The following BNC2 variants were observed in gnomAD, a reference collection of about 807,000 sequenced individuals.
BNC2 encodes basonuclin zinc finger protein 2.
Under a neutral mutation model 76.3 loss-of-function variants are expected in BNC2, and 20 were observed. The observed-to-expected ratio is 0.26, with a 90% CI of 0.18 to 0.38. The LOEUF is 0.38. Among genes scored for constraint, BNC2 ranks in the 10% least tolerant of loss-of-function variants. The pLI, the probability that BNC2 is intolerant of heterozygous loss-of-function variation, is 1.00. For synonymous variants in BNC2, 582 were observed against 514.8 expected, an observed-to-expected ratio of 1.13 and a Z score of -1.77; for missense variants, 1,382 against 1,399.8, an observed-to-expected ratio of 0.99 and a Z score of 0.20.
At chr9:16,540,628 C>T (rs1443713463) in intron 5 of BNC2, among the ~76,000 whole-genome samples, 2 of 152,122 alleles carry the variant, frequency 1.3e-5, no homozygotes, top group African/African-American at 2.4e-5. Flanking sequence ...AATGGCCTTG[C>T]TTAATTAAAA....
intron 1 of BNC2, among the ~76,000 whole-genome samples, chr9:16,854,077 T>C (rs7038494): frequency 0.12 from 18,709 of 152,120 alleles, 1,512 homozygotes; most frequent in South Asian, 0.27. Flanking sequence ...ACCACCAACT[T>C]CTGTCCTGCT....
At chr9:16,762,003 T>G (rs1825564757) in intron 1 of BNC2, among the ~76,000 whole-genome samples, 1 of 152,152 alleles carries the variant, frequency 6.6e-6, no homozygotes, top group Admixed American at 6.6e-5. Context: ...TAGCAAAACT[T>G]TTTAGCCAAG....
intron 3 of BNC2, among the ~76,000 whole-genome samples, chr9:16,611,661 C>A (rs1403140427): frequency 6.6e-6 from 1 of 152,164 alleles, no homozygotes; most frequent in African/African-American, 2.4e-5. Context: ...TAAAGCAAGA[C>A]ATGCAGTCTG....
At chr9:16,601,708 GA>G (rs34171368) in intron 3 of BNC2, among the ~76,000 whole-genome samples, 152,265 of 152,266 alleles carry the variant, frequency 1, 76,132 homozygotes, top group Non-Finnish European at 1. Context: ...ATGGATGCAG[GA>G]GAAAAGATAT....
chr9:16,510,996 T>G (rs1822741007), intron 5 of BNC2, among the ~76,000 whole-genome samples: 1 of 152,166 alleles, frequency 6.6e-6, no homozygotes, highest in Admixed American at 6.5e-5. Context: ...AAACACACAT[T>G]TGTTCCACAA....
At chr9:16,748,762 G>C (rs1405198681) in intron 1 of BNC2, among the ~76,000 whole-genome samples, 6 of 144,188 alleles carry the variant, frequency 4.2e-5, no homozygotes, top group Middle Eastern at 3.7e-3. Context: ...AGAATTGCTA[G>C]GACCCAGGAG....
At chr9:16,441,085 G>A (rs1216657055) in intron 5 of BNC2, among the ~76,000 whole-genome samples, 1 of 152,084 alleles carries the variant, frequency 6.6e-6, no homozygotes, top group African/African-American at 2.4e-5. Flanking sequence ...CGACATTTAG[G>A]AAGGCCAAGG....
chr9:16,731,699 T>C (rs1210536894), intron 2 of BNC2, among the ~76,000 whole-genome samples: 1 of 152,212 alleles, frequency 6.6e-6, no homozygotes, highest in Non-Finnish European at 1.5e-5. Context: ...CACATAACTA[T>C]AGTAAAATTC....
chr9:16,760,085 G>A (rs141651457), intron 1 of BNC2, among the ~76,000 whole-genome samples: 16 of 152,118 alleles, frequency 1.1e-4, no homozygotes, highest in Non-Finnish European at 1.2e-4. Context: ...GAATGTATAG[G>A]AAATAGCTAT....
intron 5 of BNC2, among the ~76,000 whole-genome samples, chr9:16,481,797 A>G (rs1822063393): frequency 6.6e-6 from 1 of 152,228 alleles, no homozygotes. Context: ...ACAGATCTAC[A>G]CTGAGAATGA....
chr9:16,552,987 A>G (rs1288977073), intron 4 of BNC2, among the ~76,000 whole-genome samples: 1 of 152,090 alleles, frequency 6.6e-6, no homozygotes, highest in Non-Finnish European at 1.5e-5. Flanking sequence ...GGATGTGTTT[A>G]TAAATTGCAG....
At chr9:16,799,947 G>A (rs548275480) in intron 1 of BNC2, among the ~76,000 whole-genome samples, 120 of 152,168 alleles carry the variant, frequency 7.9e-4, no homozygotes, top group Middle Eastern at 3.4e-3. Context: ...TGTAGAGGCC[G>A]GGCGCGGTGG....
rs867948940 is a variant in BNC2 at position 16,780,338 on chromosome 9, C to T, written c.4-41853G>A. ...CCTGTAATCCCAGCACTGTGGGAGG[C>T]CGAGGCTGGCAGATCATGAGGTCAG... is the stretch of plus-strand genomic sequence containing the variant. On this transcript the variant is annotated intron_variant, in intron 1 of 6. Coordinates refer to ENST00000380672, the MANE Select transcript of BNC2 (RefSeq NM_017637.6). 5.3e-5 allele frequency among the ~76,000 whole-genome samples: 8 copies of T among 151,214 alleles called. No homozygotes were observed. The East Asian group carries it at 1.2e-3, about 22-fold the overall frequency.
chr9:16,543,462 T>C (rs1427884977), intron 5 of BNC2, among the ~76,000 whole-genome samples: 1 of 152,202 alleles, frequency 6.6e-6, no homozygotes, highest in Non-Finnish European at 1.5e-5. Context: ...GAACTGATTC[T>C]TATCAAATGG....
intron 1 of BNC2, among the ~76,000 whole-genome samples, chr9:16,819,394 G>A (rs1818260135): frequency 6.6e-6 from 1 of 152,156 alleles, no homozygotes; most frequent in Non-Finnish European, 1.5e-5. Context: ...TGGGCACAAT[G>A]GCTCATGCCT....
At chr9:16,445,630 C>T (rs956345201) in intron 5 of BNC2, among the ~76,000 whole-genome samples, 12 of 152,184 alleles carry the variant, frequency 7.9e-5, no homozygotes, top group Non-Finnish European at 1.5e-5. Flanking sequence ...AATCACATCC[C>T]TACTCTCCTC....
At chr9:16,585,956 C>T (rs1250033699) in intron 3 of BNC2, among the ~76,000 whole-genome samples, 1 of 152,100 alleles carries the variant, frequency 6.6e-6, no homozygotes, top group East Asian at 1.9e-4. Context: ...GCAGAGAGTT[C>T]AGTCAGAGTG....
At chr9:16,842,403 A>G (rs956758892) in intron 1 of BNC2, among the ~76,000 whole-genome samples, 2 of 152,240 alleles carry the variant, frequency 1.3e-5, no homozygotes, top group Non-Finnish European at 2.9e-5. Context: ...GTCATCTCAG[A>G]AACACTCCAG....
chr9:16,863,694 C>CA (rs1382480240), intron 1 of BNC2, among the ~76,000 whole-genome samples: 2 of 151,572 alleles, frequency 1.3e-5, no homozygotes, highest in South Asian at 2.1e-4. Flanking sequence ...GATTCCGTTT[C>CA]AAAAAAAACC....
Sources: gnomAD v4.1 joint callset for allele counts (sites outside exome capture counted in the v4.1 genomes callset) on GRCh38, gnomAD v4.1.1 for gene constraint, MANE v1.5 for transcripts, NCBI Gene and HGNC (gene_info 2026-07-23, HGNC 2026-07-21) for gene names.